The following GRIK2 variants were observed in gnomAD, a reference collection of about 807,000 sequenced individuals.
GRIK2 encodes the protein glutamate ionotropic receptor kainate type subunit 2.
In GRIK2, 32 loss-of-function variants were observed where a neutral mutation model predicts 100.3. That is an observed-to-expected ratio of 0.32 (90% CI 0.24 to 0.43). The LOEUF is 0.43. Among genes scored for constraint, GRIK2 ranks in the 20% least tolerant of loss-of-function variants. The pLI, the probability that GRIK2 is intolerant of heterozygous loss-of-function variation, is 1.00. For missense variants in GRIK2, 843 were observed against 1,114.9 expected (o/e 0.76, Z 3.47); for synonymous variants, 417 against 389.4 (o/e 1.07, Z -0.83).
intron 10 of GRIK2, among the ~76,000 whole-genome samples, chr6:101,849,137 T>C (rs1037232733): frequency 4.6e-5 from 7 of 151,960 alleles, no homozygotes; most frequent in Non-Finnish European, 7.4e-5. Context: ...AAGCAGACTT[T>C]CCGAATGTTT....
rs188372257 is a variant in GRIK2 at position 101,402,745 on chromosome 6, C to T, written c.115+3353C>T. Among the ~76,000 whole-genome samples the T allele has an allele frequency of 3.9e-4, 59 of 152,290 alleles. 1 individual carries two copies. The highest frequency in any genetic ancestry group is 1.4e-3 in the African/African-American group (58 of 41,578). On this transcript the variant is annotated intron_variant, in intron 2 of 16. Transcript: ENST00000369134. ...GTTCTCTGGCCGGCTTTTCTGGGAG[C>T]AGAGCCTGCGACTCTCCCAGGCAGG...
At chr6:102,044,806 T>C (rs1014201132) in intron 15 of GRIK2, among the ~76,000 whole-genome samples, 2 of 151,906 alleles carry the variant, frequency 1.3e-5, no homozygotes, top group Admixed American at 1.3e-4. Flanking sequence ...GTTTACCTTT[T>C]TTCACTCTTC....
chr6:101,405,768 C>T (rs191221279), intron 2 of GRIK2, among the ~76,000 whole-genome samples: 40 of 152,202 alleles, frequency 2.6e-4, no homozygotes, highest in African/African-American at 8.7e-4. Flanking sequence ...AGTCAAGCCT[C>T]AGTCACATAT....
intron 10 of GRIK2, among the ~76,000 whole-genome samples, chr6:101,852,239 A>G (rs1784175090): frequency 6.6e-6 from 1 of 152,180 alleles, no homozygotes; most frequent in Non-Finnish European, 1.5e-5. Flanking sequence ...ATGAAACAAA[A>G]GTATGAAATC....
intron 2 of GRIK2, among the ~76,000 whole-genome samples, chr6:101,544,373 G>T (rs1248175908): frequency 6.6e-6 from 1 of 152,148 alleles, no homozygotes; most frequent in Non-Finnish European, 1.5e-5. Context: ...TTAATACAAA[G>T]CTGAATGAAA....
intron 7 of GRIK2, among the ~76,000 whole-genome samples, chr6:101,715,173 T>G (rs1364866043): frequency 6.6e-6 from 1 of 151,850 alleles, no homozygotes; most frequent in East Asian, 1.9e-4. Context: ...AGAAACGTCA[T>G]TAAAATGTTT....
Position 101,633,328 on chromosome 6 carries a change from G to C in GRIK2, c.541+6691G>C, listed in dbSNP as rs567958004. The stretch of plus-strand genomic sequence containing the variant: ...CCATCTGTCAGCCTAGACTATTGTG[G>C]TTACTACGGTCTTTGGTATCAGGAC... On this transcript the variant is annotated intron_variant, in intron 4 of 16. Coordinates refer to ENST00000369134, the MANE Select transcript of GRIK2 (RefSeq NM_021956.5). 2.0e-5 allele frequency among the ~76,000 whole-genome samples: 3 copies of C among 152,184 alleles called. No individual in the cohort carries two copies. The East Asian group carries it at 5.8e-4, about 29-fold the overall frequency.
intron 4 of GRIK2, among the ~76,000 whole-genome samples, chr6:101,641,889 T>C (rs1781291027): frequency 6.6e-6 from 1 of 151,926 alleles, no homozygotes; most frequent in Non-Finnish European, 1.5e-5. Context: ...TTTTCTTTTA[T>C]GTGGGGTAGA....
chr6:101,918,484 C>T (rs1404970866), intron 12 of GRIK2, among the ~76,000 whole-genome samples: 1 of 151,324 alleles, frequency 6.6e-6, no homozygotes, highest in Admixed American at 6.6e-5. Flanking sequence ...TATATATTTT[C>T]TAAATTATTT....
At chr6:101,768,023 T>A (rs1312730344) in intron 7 of GRIK2, among the ~76,000 whole-genome samples, 1 of 151,994 alleles carries the variant, frequency 6.6e-6, no homozygotes, top group African/African-American at 2.4e-5. Flanking sequence ...CATGCCTGGC[T>A]AATTTTTGTA....
chr6:101,984,217 C>T (rs1793884299), intron 14 of GRIK2, among the ~76,000 whole-genome samples: 1 of 151,682 alleles, frequency 6.6e-6, no homozygotes, highest in African/African-American at 2.4e-5. Flanking sequence ...AAGACCAGCA[C>T]TTTGAACCTA....
Position 101,679,435 on chromosome 6 carries a change from G to T in GRIK2, c.723+2631G>T, listed in dbSNP as rs1582946559. ...TTGACTTTAGAAAATTTAATCTGTA[G>T]TATTTCTTTTAGGAGAGATGATATG... is the stretch of plus-strand genomic sequence containing the variant. On this transcript the variant is annotated intron_variant, in intron 5 of 16. Transcript: ENST00000369134. Among the ~76,000 whole-genome samples, 7 of 152,124 alleles carry T rather than the reference G, an allele frequency of 4.6e-5. 2 individuals are homozygous for T. The highest frequency in any genetic ancestry group is 4.6e-4 in the Admixed American group (7 of 15,280).
chr6:101,939,946 G>A (rs186750946), intron 14 of GRIK2, among the ~76,000 whole-genome samples: 2 of 152,166 alleles, frequency 1.3e-5, no homozygotes, highest in African/African-American at 2.4e-5. Context: ...TTAACAATTA[G>A]GGAGGTGTTT....
intron 12 of GRIK2, among the ~76,000 whole-genome samples, chr6:101,919,758 G>C (rs1028531820): frequency 2.0e-5 from 3 of 151,736 alleles, no homozygotes; most frequent in Non-Finnish European, 2.9e-5. Context: ...CAAAGGGAAG[G>C]CATCATTCAA....
rs529265716 is a variant in GRIK2, at chr6:101,824,145, G to A, written c.1317+5662G>A. The stretch of plus-strand genomic sequence containing the variant: ...GGTGATCTTCCAGCCTCGGCCTCCC[G>A]AAGTGCTGGGATTACAGGTGTGAGC... On this transcript the variant is annotated intron_variant, in intron 10 of 16. Coordinates refer to ENST00000369134, the MANE Select transcript of GRIK2 (RefSeq NM_021956.5). Among the ~76,000 whole-genome samples, 83 of 151,838 alleles carry A rather than the reference G, an allele frequency of 5.5e-4. 1 individual carries two copies. The highest frequency in any genetic ancestry group is 9.9e-4 in the Non-Finnish European group (67 of 67,928).
intron 14 of GRIK2, among the ~76,000 whole-genome samples, chr6:101,948,282 A>G (rs1485030705): frequency 6.6e-6 from 1 of 151,178 alleles, no homozygotes; most frequent in Non-Finnish European, 1.5e-5. Flanking sequence ...TGTCTTCAAA[A>G]CAGAAAATGA....
chr6:101,473,698 T>G (rs1480182254), intron 2 of GRIK2, among the ~76,000 whole-genome samples: 2 of 151,886 alleles, frequency 1.3e-5, no homozygotes, highest in African/African-American at 4.8e-5. Flanking sequence ...GTTATGGGAC[T>G]GTTTTTGCCC....
chr6:101,550,498 A>C (rs1053789548), intron 2 of GRIK2, among the ~76,000 whole-genome samples: 4 of 152,186 alleles, frequency 2.6e-5, no homozygotes, highest in Non-Finnish European at 5.9e-5. Flanking sequence ...TTGAGGATCC[A>C]ACAAAGATGA....
At chr6:101,782,021 T>C (rs2128402282) in intron 7 of GRIK2, among the ~76,000 whole-genome samples, 1 of 152,310 alleles carries the variant, frequency 6.6e-6, no homozygotes, top group East Asian at 1.9e-4. Context: ...CCCTTTATTT[T>C]ATTTTATTGA....
Sources: gnomAD v4.1 joint callset for allele counts (sites outside exome capture counted in the v4.1 genomes callset) on GRCh38, gnomAD v4.1.1 for gene constraint, MANE v1.5 for transcripts, NCBI Gene and HGNC (gene_info 2026-07-23, HGNC 2026-07-21) for gene names.